MYOF: variants seen among roughly 807,000 people sequenced by gnomAD.
MYOF encodes myoferlin, also known as fer-1-like 3, myoferlin.
MYOF carries 244 observed loss-of-function variants against 284.2 expected under a neutral mutation model. The ratio of observed to expected loss-of-function variants is 0.86; its 90% CI spans 0.77 to 0.95. The LOEUF (loss-of-function observed/expected upper bound fraction) is 0.95. Among genes scored for constraint, MYOF ranks in the 40% least tolerant of loss-of-function variants. MYOF has a pLI of 0.00. For synonymous variants in MYOF, 904 were observed against 919.7 expected (o/e 0.98, Z 0.31); for missense variants, 2,496 against 2,560.6 (o/e 0.97, Z 0.54).
At chr10:93,390,311 CAG>C (rs1846613594) in intron 17 of MYOF, among the ~76,000 whole-genome samples, 1 of 152,046 alleles carries the variant, frequency 6.6e-6, no homozygotes, top group Non-Finnish European at 1.5e-5. Context: ...TGTGGGGAGA[CAG>C]AAATCATGGA....
At chr10:93,351,931 T>C (rs992108119) in intron 32 of MYOF, 85 bp from the exon 33 acceptor site, 16 of 1,271,636 alleles carry the variant, frequency 1.3e-5, no homozygotes, top group African/African-American at 3.1e-5. Flanking sequence ...ATTCTTTTCC[T>C]CTGGATATAA....
chr10:93,479,868 A>C (rs1589630442), intron 1 of MYOF, among the ~76,000 whole-genome samples: 2 of 152,234 alleles, frequency 1.3e-5, no homozygotes, highest in South Asian at 2.1e-4. Context: ...GTTTGTATAG[A>C]CTATATTTGC....
intron 31 of MYOF, among the ~76,000 whole-genome samples, chr10:93,354,774 C>T (rs1285866817): frequency 6.6e-6 from 1 of 151,378 alleles, no homozygotes; most frequent in Non-Finnish European, 1.5e-5. Context: ...TCAAATCTCT[C>T]TAGTGCTTAC....
At position 93,465,538 on chromosome 10, in the gene MYOF, C is replaced by CTTTTTTTTTTTTTTTTTTTTTTTT. The variant is rs71031511; in HGVS notation, c.89-8602_89-8601insAAAAAAAAAAAAAAAAAAAAAAAA. Among the ~76,000 whole-genome samples the CTTTTTTTTTTTTTTTTTTTTTTTT allele has an allele frequency of 1.2e-3, 137 of 112,144 alleles. 3 individuals are homozygous for CTTTTTTTTTTTTTTTTTTTTTTTT. Among genetic ancestry groups the CTTTTTTTTTTTTTTTTTTTTTTTT allele is most frequent in the Non-Finnish European group, 1.8e-3 (102 of 57,316 alleles). The allele number at this position is 112,144 out of a possible 152,430, so 73.6% of individuals were successfully genotyped here. On this transcript the variant is annotated intron_variant, in intron 1 of 53. Transcript: ENST00000359263. ...CTTTTTTCTTTCTTTTTTTTCTTTT[C>CTTTTTTTTTTTTTTTTTTTTTTTT]TTTTTTTTTTTTTTTGAGATGACTG...
At chr10:93,421,121 G>A (rs542506471) in intron 5 of MYOF, among the ~76,000 whole-genome samples, 51 of 152,300 alleles carry the variant, frequency 3.3e-4, no homozygotes, top group African/African-American at 1.1e-3. Flanking sequence ...AGGTGGCTGA[G>A]CACAAGAATT....
intron 32 of MYOF, 60 bp downstream of exon 32, chr10:93,353,751 A>G (rs1003379772): frequency 4.3e-6 from 6 of 1,395,326 alleles, no homozygotes; most frequent in Non-Finnish European, 5.9e-6. Flanking sequence ...CACTCGAAAC[A>G]CAGAAGCAAA....
At chr10:93,401,684 C>T (rs1847300054) in intron 11 of MYOF, 140 bp from the exon 12 acceptor site, 10 of 1,056,856 alleles carry the variant, frequency 9.5e-6, no homozygotes, top group East Asian at 2.5e-5. Flanking sequence ...GTTCAGCCTG[C>T]CATCAGCCAC....
rs1472305469 is a variant in MYOF, at chr10:93,366,416, T to C, written c.2729A>G (p.Glu910Gly). The change falls in exon 26 of 54, where the codon GAG becomes GGG. Residue 910 changes from glutamate (E) to glycine (G), a missense_variant. Around this residue, in one of 3 missense-constraint regions of MYOF, gnomAD observed 2,436 missense variants for 2,480.7 expected, o/e 0.98. Transcript: ENST00000359263. Reference sequence around the variant, plus strand: ...CCTTCTTTCAGGATCAACTATCCACTCTCCTTCCCATTCCCAGCCTTTTGG... The same window carrying C: ...CCTTCTTTCAGGATCAACTATCCACCCTCCTTCCCATTCCCAGCCTTTTGG... ...LPPKGWEWEG[E>G]WIVDPERSLL... 1.2e-6 allele frequency: 2 copies of C among 1,613,522 alleles called. No individual in the cohort carries two copies. Among genetic ancestry groups the C allele is most frequent in the African/African-American group, 1.3e-5 (1 of 74,892 alleles).
rs34975275 is a variant in MYOF, at chr10:93,428,196, ATTTTT to A, written c.346-2043_346-2039del. Among the ~76,000 whole-genome samples the A allele has an allele frequency of 7.1e-3, 904 of 127,500 alleles. 13 individuals carry two copies. The highest frequency in any genetic ancestry group is 0.025 in the African/African-American group (871 of 34,796). 83.6% of individuals were successfully genotyped at this position (127,500 alleles called of 152,430 possible). On this transcript the variant is annotated intron_variant, in intron 4 of 53. Transcript: ENST00000359263. ...GAGAAATTATTCGTTTTTTATGTGA[ATTTTT>A]TTTTTTTTTTTTTGAGACAGAGTCT...
intron 2 of MYOF, among the ~76,000 whole-genome samples, chr10:93,453,951 G>A (rs2134314527): frequency 6.6e-6 from 1 of 152,258 alleles, no homozygotes; most frequent in East Asian, 1.9e-4. Flanking sequence ...GGGAGGCCAA[G>A]GCAGATGGAT....
At position 93,448,986 on chromosome 10, in the gene MYOF, C is replaced by T. The variant is rs1429413800; in HGVS notation, c.236+3064G>A. Among the ~76,000 whole-genome samples the T allele has an allele frequency of 2.2e-5, 3 of 139,000 alleles. No individual in the cohort carries two copies. In the Admixed American group the frequency reaches 2.4e-4, roughly 11 times the overall value. 91.2% of individuals were successfully genotyped at this position (139,000 alleles called of 152,430 possible). ...CTCCAGCCTGGGTGACAGAGTGAGA[C>T]TCTGTCTCAAAAAAAAAGCAAGAGG... On this transcript the variant is annotated intron_variant, in intron 3 of 53. Coordinates refer to ENST00000359263, the MANE Select transcript of MYOF (RefSeq NM_013451.4).
chr10:93,361,620 G>C, intron 27 of MYOF, 63 bp from the exon 28 acceptor site: 2 of 1,493,028 alleles, frequency 1.3e-6, no homozygotes, highest in Admixed American at 3.4e-5. Flanking sequence ...AGAGGCAAAG[G>C]GTCCAATATA....
At chr10:93,362,233 C>T (rs187143778) in intron 27 of MYOF, among the ~76,000 whole-genome samples, 6 of 149,460 alleles carry the variant, frequency 4.0e-5, no homozygotes, top group African/African-American at 4.9e-5. Flanking sequence ...CAGGCGTGAG[C>T]AACCACACCT....
intron 40 of MYOF, among the ~76,000 whole-genome samples, chr10:93,336,900 AGAAGAAAGGAAGGAAGG>A: frequency 9.1e-6 from 1 of 109,740 alleles, no homozygotes; most frequent in East Asian, 1.1e-3. Flanking sequence ...GGAAGGAAAG[AGAAGAAAGGAAGGAAGG>A]GAAGGAAAGG....
intron 43 of MYOF, among the ~76,000 whole-genome samples, chr10:93,330,467 G>T (rs1003069043): frequency 6.6e-6 from 1 of 152,170 alleles, no homozygotes; most frequent in Non-Finnish European, 1.5e-5. Flanking sequence ...GGGGAGGGGA[G>T]TGAGTGTGAT....
chr10:93,432,966 T>C (rs1234526896), intron 3 of MYOF, among the ~76,000 whole-genome samples: 1 of 152,110 alleles, frequency 6.6e-6, no homozygotes, highest in Admixed American at 6.6e-5. Context: ...AGAACACACA[T>C]TAGCCAGTCT....
intron 29 of MYOF, among the ~76,000 whole-genome samples, chr10:93,358,496 A>T (rs929774914): frequency 2.8e-4 from 42 of 152,206 alleles, no homozygotes; most frequent in Non-Finnish European, 5.1e-4. Flanking sequence ...AGATACATGC[A>T]TGCATATTTT....
intron 3 of MYOF, 131 bp from the exon 4 acceptor site, chr10:93,431,647 T>G (rs1848876980): frequency 1.5e-6 from 1 of 645,924 alleles, no homozygotes; most frequent in East Asian, 3.0e-5. Flanking sequence ...TGGGCCATTT[T>G]GCTATTAGCC....
intron 24 of MYOF, among the ~76,000 whole-genome samples, chr10:93,370,158 C>G (rs1350869548): frequency 6.6e-6 from 1 of 152,122 alleles, no homozygotes; most frequent in Non-Finnish European, 1.5e-5. Context: ...GATTGCCAAA[C>G]TGGACCTAGT....
Sources: allele counts gnomAD v4.1 joint callset (sites outside exome capture counted in the v4.1 genomes callset), GRCh38; gene constraint gnomAD v4.1.1; regional missense constraint gnomAD v4.1.1; transcripts MANE v1.5; gene names NCBI Gene and HGNC (gene_info 2026-07-23, HGNC 2026-07-21).